RBMS3: variants seen among roughly 807,000 people sequenced by gnomAD.
RBMS3 encodes RNA-binding motif, single-stranded-interacting protein 3.
A neutral mutation model predicts 66.8 loss-of-function variants in RBMS3; 27 were observed. That is an observed-to-expected ratio of 0.40 (90% confidence interval 0.30 to 0.56). The LOEUF (loss-of-function observed/expected upper bound fraction) is 0.56, where lower values mean the gene tolerates loss of function less well. Among genes scored for constraint, RBMS3 ranks in the 20% least tolerant of loss-of-function variants. The pLI, the probability that RBMS3 is intolerant of heterozygous loss-of-function variation, is 0.40. For synonymous variants in RBMS3, 188 were observed against 183.0 expected, an observed-to-expected ratio of 1.03 and a Z score of -0.22; for missense variants, 513 against 549.5, an observed-to-expected ratio of 0.93 and a Z score of 0.66.
chr3:29,526,476 G>A (rs1029473078), intron 3 of RBMS3, among the ~76,000 whole-genome samples: 6 of 125,662 alleles, frequency 4.8e-5, no homozygotes, highest in Admixed American at 2.0e-4. Context: ...AGCCGAGATC[G>A]CGCCACTGCA....
chr3:29,428,613 C>G (rs183640874), intron 1 of RBMS3, among the ~76,000 whole-genome samples: 2 of 151,748 alleles, frequency 1.3e-5, no homozygotes, highest in Non-Finnish European at 2.9e-5. Flanking sequence ...TAACCTTTCT[C>G]CAAACCTACA....
chr3:29,994,020 C>G (rs868057656), intron 14 of RBMS3, among the ~76,000 whole-genome samples: 1 of 150,668 alleles, frequency 6.6e-6, no homozygotes, highest in Admixed American at 6.6e-5. Context: ...TCTGATGTAC[C>G]GGGTTCATCT....
At chr3:29,779,580 A>G (rs2056550226) in intron 6 of RBMS3, among the ~76,000 whole-genome samples, 1 of 151,266 alleles carries the variant, frequency 6.6e-6, no homozygotes, top group Non-Finnish European at 1.5e-5. Flanking sequence ...TACCACAGGT[A>G]TTTAATTCAA....
intron 5 of RBMS3, among the ~76,000 whole-genome samples, chr3:29,743,642 G>A (rs2054736375): frequency 6.6e-6 from 1 of 151,912 alleles, no homozygotes; most frequent in African/African-American, 2.4e-5. Context: ...AGGACCACCT[G>A]AATGATCTGT....
intron 5 of RBMS3, among the ~76,000 whole-genome samples, chr3:29,753,657 A>G (rs993187483): frequency 1.4e-4 from 21 of 152,160 alleles, no homozygotes; most frequent in African/African-American, 5.1e-4. Context: ...GGTACCCTAA[A>G]AGCTAAAGAG....
chr3:29,511,733 C>T (rs577682116), intron 3 of RBMS3, among the ~76,000 whole-genome samples: 1 of 152,218 alleles, frequency 6.6e-6, no homozygotes, highest in East Asian at 1.9e-4. Context: ...TCAACCACTT[C>T]ACCATTTATA....
intron 5 of RBMS3, among the ~76,000 whole-genome samples, chr3:29,744,709 G>C (rs183358597): frequency 5.1e-4 from 78 of 151,796 alleles, no homozygotes; most frequent in Non-Finnish European, 9.9e-4. Flanking sequence ...GCTTGAACCT[G>C]GGAGGTAGAG....
intron 5 of RBMS3, among the ~76,000 whole-genome samples, chr3:29,752,810 A>G (rs568944855): frequency 2.0e-5 from 3 of 152,334 alleles, no homozygotes; most frequent in Admixed American, 6.5e-5. Context: ...TACCTCCCAA[A>G]GGCACAGAAC....
chr3:29,602,128 A>G (rs1188533095), intron 4 of RBMS3, among the ~76,000 whole-genome samples: 3 of 152,008 alleles, frequency 2.0e-5, no homozygotes, highest in Non-Finnish European at 2.9e-5. Flanking sequence ...CCAAATTTTA[A>G]TAGAGTTTTG....
At chr3:29,609,512 C>G (rs994570632) in intron 4 of RBMS3, among the ~76,000 whole-genome samples, 2 of 151,978 alleles carry the variant, frequency 1.3e-5, no homozygotes, top group Admixed American at 6.6e-5. Flanking sequence ...TGTTTTCCAA[C>G]AGGTATGGGT....
intron 12 of RBMS3, among the ~76,000 whole-genome samples, chr3:29,947,259 G>GT (rs746828426): frequency 1.3e-5 from 2 of 151,502 alleles, no homozygotes; most frequent in Non-Finnish European, 3.0e-5. Context: ...AGTTAAGGGA[G>GT]TTCATTAATG....
At chr3:29,740,717 T>C (rs778112040) in intron 5 of RBMS3, among the ~76,000 whole-genome samples, 3 of 152,128 alleles carry the variant, frequency 2.0e-5, no homozygotes, top group Non-Finnish European at 4.4e-5. Flanking sequence ...ATGTTAAGTG[T>C]TATGTGGAAG....
intron 1 of RBMS3, among the ~76,000 whole-genome samples, chr3:29,411,740 A>G (rs1159371759): frequency 1.3e-5 from 2 of 152,210 alleles, no homozygotes; most frequent in Non-Finnish European, 2.9e-5. Context: ...TCTCTACTAA[A>G]GTTGGTAGCT....
chr3:29,850,148 A>G (rs1402177974), intron 6 of RBMS3, among the ~76,000 whole-genome samples: 1 of 152,150 alleles, frequency 6.6e-6, no homozygotes, highest in African/African-American at 2.4e-5. Context: ...GTTTCTGTGG[A>G]GACTGAGAAG....
chr3:29,660,966 A>G (rs2149228851), intron 4 of RBMS3, among the ~76,000 whole-genome samples: 1 of 152,344 alleles, frequency 6.6e-6, no homozygotes, highest in East Asian at 1.9e-4. Flanking sequence ...AGCAATAATC[A>G]GCAATCAGTG....
chr3:29,806,779 T>C (rs189743580), intron 6 of RBMS3, among the ~76,000 whole-genome samples: 20 of 152,084 alleles, frequency 1.3e-4, no homozygotes, highest in African/African-American at 3.4e-4. Flanking sequence ...TCATGAATTC[T>C]ATTTCTTACA....
chr3:29,733,117 C>T (rs1377368905), intron 4 of RBMS3, among the ~76,000 whole-genome samples: 1 of 151,982 alleles, frequency 6.6e-6, no homozygotes, highest in Non-Finnish European at 1.5e-5. Flanking sequence ...TATCTTTAGT[C>T]TATATATACA....
Position 29,816,146 on chromosome 3 carries a change from T to C in RBMS3, c.638-52712T>C, listed in dbSNP as rs796363726. ...CTGAAATTCAGACCTTTCTGACATA[T>C]GGTTTGACCTCTTTAAGGGCCTCTC... On this transcript the variant is annotated intron_variant, in intron 6 of 14. Coordinates refer to ENST00000383767, the MANE Select transcript of RBMS3 (RefSeq NM_001003793.3). 8.5e-5 allele frequency among the ~76,000 whole-genome samples: 13 copies of C among 152,238 alleles called. 1 individual carries two copies. The highest frequency in any genetic ancestry group is 1.9e-4 in the African/African-American group (8 of 41,538).
At chr3:30,002,741 T>A (rs879330314) in intron 14 of RBMS3, among the ~76,000 whole-genome samples, 32 of 152,140 alleles carry the variant, frequency 2.1e-4, no homozygotes, top group Non-Finnish European at 3.8e-4. Flanking sequence ...CTAATTGCCG[T>A]AGCTGGCTCA....
Sources: gnomAD v4.1 joint callset for allele counts (sites outside exome capture counted in the v4.1 genomes callset) on GRCh38, gnomAD v4.1.1 for gene constraint, MANE v1.5 for transcripts, NCBI Gene and HGNC (gene_info 2026-07-23, HGNC 2026-07-21) for gene names.